CFAP418: variants seen among roughly 807,000 people sequenced by gnomAD.
The protein encoded by CFAP418 is cilia- and flagella-associated protein 418.
CFAP418 carries 27 observed loss-of-function variants against 24.7 expected under a neutral mutation model. The ratio of observed to expected loss-of-function variants is 1.09; its 90% CI spans 0.81 to 1.51. The LOEUF is 1.51. CFAP418 is among the 40% of genes most tolerant of loss of function. The pLI is 0.00. For synonymous variants in CFAP418, 74 were observed against 87.3 expected, an observed-to-expected ratio of 0.85 and a Z score of 0.85; for missense variants, 257 against 255.2, an observed-to-expected ratio of 1.01 and a Z score of -0.05.
chr8:95,258,120 C>T (rs56306366), intron 4 of CFAP418, among the ~76,000 whole-genome samples: 2 of 152,034 alleles, frequency 1.3e-5, no homozygotes, highest in East Asian at 1.9e-4. Flanking sequence ...CAGTGGCTCA[C>T]GCCTGTAATC....
intron 1 of CFAP418, 137 bp downstream of exon 1, chr8:95,268,898 G>T: frequency 2.2e-6 from 2 of 914,824 alleles, no homozygotes; most frequent in Non-Finnish European, 1.7e-6. Context: ...AGGGTAGGGC[G>T]CTGAGGGTCT....
At chr8:95,263,343 A>G (rs1811924360) in intron 2 of CFAP418, among the ~76,000 whole-genome samples, 1 of 152,096 alleles carries the variant, frequency 6.6e-6, no homozygotes, top group African/African-American at 2.4e-5. Flanking sequence ...TGAGGTGCTA[A>G]GCACATTCCT....
intron 4 of CFAP418, among the ~76,000 whole-genome samples, chr8:95,258,501 TAAAAAG>T (rs1410675485): frequency 6.6e-6 from 1 of 151,786 alleles, no homozygotes; most frequent in Non-Finnish European, 1.5e-5. Flanking sequence ...AAATTGTTAT[TAAAAAG>T]AATCAAAAGT....
At chr8:95,254,489 T>C (rs1265634912) in intron 4 of CFAP418, among the ~76,000 whole-genome samples, 1 of 152,224 alleles carries the variant, frequency 6.6e-6, no homozygotes, top group Non-Finnish European at 1.5e-5. Context: ...TATAAAGTCA[T>C]GACTCCAGTG....
chr8:95,252,166 G>C (rs756715571), intron 5 of CFAP418, 22 bp downstream of exon 5: 4 of 1,557,446 alleles, frequency 2.6e-6, no homozygotes, highest in Non-Finnish European at 3.5e-6. Context: ...TTTTTTCAGA[G>C]TGAAGTTCTT....
At chr8:95,247,822 T>C (rs1197225240) in intron 5 of CFAP418, 52 bp from the exon 6 acceptor site, 1 of 1,395,952 alleles carries the variant, frequency 7.2e-7, no homozygotes, top group Non-Finnish European at 9.5e-7. Context: ...CAGTGCTTAA[T>C]GATTAAAAAA....
At chr8:95,263,818 G>C (rs1387537856) in intron 1 of CFAP418, 44 bp from the exon 2 acceptor site, 1 of 1,148,958 alleles carries the variant, frequency 8.7e-7, no homozygotes, top group East Asian at 2.4e-5. Flanking sequence ...TGAGGTTTAT[G>C]AGCAGAGAAA....
intron 5 of CFAP418, among the ~76,000 whole-genome samples, chr8:95,251,129 G>A (rs992518342): frequency 3.9e-5 from 6 of 152,184 alleles, no homozygotes; most frequent in African/African-American, 1.2e-4. Context: ...ATATAAATAT[G>A]AGCAAGACAT....
intron 4 of CFAP418, among the ~76,000 whole-genome samples, chr8:95,255,815 TA>T (rs1811777824): frequency 6.6e-6 from 1 of 152,210 alleles, no homozygotes; most frequent in Non-Finnish European, 1.5e-5. Flanking sequence ...TATGCATATA[TA>T]AAAAGTGCTC....
intron 4 of CFAP418, among the ~76,000 whole-genome samples, chr8:95,259,109 T>A (rs1811844505): frequency 6.6e-6 from 1 of 152,188 alleles, no homozygotes. Context: ...CTTAAAAAAT[T>A]AACAGAAAAT....
In CFAP418 at chr8:95,260,475, C is replaced by A; in HGVS notation, c.301G>T (p.Gly101Cys). The stretch of plus-strand genomic sequence containing the variant: ...AAAGCAATCTCAACTTACCTTTTAC[C>A]AAGGCCTTCAATGGAAGCTCTGACA... The part of the protein sequence containing the change: ...TSVRASIEGL[G>C]KSCSPVYLGG... The change falls in exon 3 of 6, where the codon GGT (glycine) becomes TGT (cysteine). Residue 101 changes from glycine to cysteine, a missense_variant. Coordinates refer to ENST00000286688, the MANE Select transcript of CFAP418 (RefSeq NM_177965.4). The A allele has an allele frequency of 6.3e-7, 1 of 1,587,002 alleles. No homozygotes were observed. Among genetic ancestry groups the A allele is most frequent in the Non-Finnish European group, 8.5e-7 (1 of 1,170,878 alleles).
intron 4 of CFAP418, among the ~76,000 whole-genome samples, chr8:95,257,943 C>T (rs1456803226): frequency 1.3e-5 from 2 of 152,034 alleles, no homozygotes; most frequent in African/African-American, 4.8e-5. Context: ...AGATGACAGC[C>T]CCATGCGTGT....
intron 2 of CFAP418, among the ~76,000 whole-genome samples, chr8:95,262,610 T>C (rs1022715350): frequency 1.3e-5 from 2 of 152,166 alleles, no homozygotes; most frequent in Non-Finnish European, 2.9e-5. Context: ...TTAAAATACA[T>C]AAATTCTCAT....
intron 2 of CFAP418, among the ~76,000 whole-genome samples, chr8:95,260,879 A>G (rs559414766): frequency 6.6e-6 from 1 of 152,322 alleles, no homozygotes; most frequent in South Asian, 2.1e-4. Flanking sequence ...ACTTCATTCT[A>G]GAAAAATTCA....
intron 4 of CFAP418, among the ~76,000 whole-genome samples, chr8:95,255,092 CT>C (rs1391816522): frequency 6.6e-6 from 1 of 152,174 alleles, no homozygotes; most frequent in Non-Finnish European, 1.5e-5. Context: ...TTCCTGTGTC[CT>C]TTCCTGTCTT....
chr8:95,259,147 G>C (rs1034244633), intron 4 of CFAP418, among the ~76,000 whole-genome samples: 5 of 152,166 alleles, frequency 3.3e-5, no homozygotes, highest in Admixed American at 6.5e-5. Flanking sequence ...TTAGATAAAA[G>C]TATTTTAATA....
At chr8:95,257,319 T>A (rs1811806844) in intron 4 of CFAP418, among the ~76,000 whole-genome samples, 1 of 152,220 alleles carries the variant, frequency 6.6e-6, no homozygotes, top group Admixed American at 6.5e-5. Context: ...GTGATTCAAT[T>A]ACTATTAATT....
chr8:95,261,285 A>G (rs759031883), intron 2 of CFAP418, among the ~76,000 whole-genome samples: 10 of 152,238 alleles, frequency 6.6e-5, no homozygotes, highest in Non-Finnish European at 1.0e-4. Flanking sequence ...TTGTTTTACT[A>G]TGTCTCTCAA....
intron 1 of CFAP418, chr8:95,268,751 C>CG: frequency 8.8e-6 from 1 of 113,398 alleles, no homozygotes. Context: ...GCGGGCTCTG[C>CG]GGGCGGGGCG....
Sources: gnomAD v4.1 joint callset for allele counts (sites outside exome capture counted in the v4.1 genomes callset) on GRCh38, gnomAD v4.1.1 for gene constraint, MANE v1.5 for transcripts, NCBI Gene and HGNC (gene_info 2026-07-23, HGNC 2026-07-21) for gene names.